Variants in GASK1A observed in about 807,000 individuals in gnomAD.
The protein encoded by GASK1A is Golgi-associated kinase 1A.
GASK1A carries 40 observed loss-of-function variants against 41.2 expected under a neutral mutation model. That is an observed-to-expected ratio of 0.97 (90% CI 0.75 to 1.27). The LOEUF (loss-of-function observed/expected upper bound fraction) is 1.27, where lower values mean the gene tolerates loss of function less well. GASK1A is among the 50% of genes most tolerant of loss of function. GASK1A has a pLI of 0.00. For synonymous variants in GASK1A, 316 were observed against 307.1 expected (o/e 1.03, Z -0.30); for missense variants, 678 against 745.1 (o/e 0.91, Z 1.05).
intron 1 of GASK1A, among the ~76,000 whole-genome samples, chr3:43,009,553 CT>C (rs2089453332): frequency 6.6e-6 from 1 of 152,196 alleles, no homozygotes; most frequent in African/African-American, 2.4e-5. Context: ...CTCAGCTCTT[CT>C]ACTTAGATGG....
At chr3:42,987,748 C>T (rs964125386) in intron 1 of GASK1A, among the ~76,000 whole-genome samples, 4 of 151,984 alleles carry the variant, frequency 2.6e-5, no homozygotes, top group Non-Finnish European at 5.9e-5. Flanking sequence ...CCTGTAATCC[C>T]AGCACTTTGG....
intron 2 of GASK1A, among the ~76,000 whole-genome samples, chr3:43,039,971 T>C (rs2062517): frequency 0.17 from 25,812 of 152,188 alleles, 2,675 homozygotes; most frequent in Non-Finnish European, 0.23. Flanking sequence ...TTAGATTCAA[T>C]TGTAATTAAG....
chr3:42,992,947 G>A (rs956071945), intron 1 of GASK1A, among the ~76,000 whole-genome samples: 2 of 152,206 alleles, frequency 1.3e-5, no homozygotes, highest in Non-Finnish European at 2.9e-5. Flanking sequence ...ACAGCTTGGC[G>A]TTTGCCTTAT....
rs1279641049 is a variant in GASK1A, at chr3:43,016,131, G to T, written c.4-16136G>T. 1.3e-5 allele frequency among the ~76,000 whole-genome samples: 2 copies of T among 151,750 alleles called. 1 individual carries two copies. The highest frequency in any genetic ancestry group is 2.9e-5 in the Non-Finnish European group (2 of 67,930). ...GGGGCTGTGTGAAGCCCCGGGAAGG[G>T]GCATAGGAAGTCACAGGAAGTGGCT... On this transcript the variant is annotated intron_variant, in intron 1 of 4. Coordinates refer to ENST00000430121, the MANE Select transcript of GASK1A (RefSeq NM_001129908.3).
At chr3:42,996,767 G>T (rs2089372473) in intron 1 of GASK1A, among the ~76,000 whole-genome samples, 1 of 152,356 alleles carries the variant, frequency 6.6e-6, no homozygotes, top group South Asian at 2.1e-4. Flanking sequence ...GAAAGGTCAT[G>T]GTCCTGTGGT....
chr3:42,996,232 T>G (rs1468757691), intron 1 of GASK1A, among the ~76,000 whole-genome samples: 1 of 152,244 alleles, frequency 6.6e-6, no homozygotes, highest in Non-Finnish European at 1.5e-5. Context: ...GCTAGGAAAT[T>G]ACCATCATGG....
chr3:43,036,406 T>G (rs2089604562), intron 2 of GASK1A, among the ~76,000 whole-genome samples: 1 of 152,182 alleles, frequency 6.6e-6, no homozygotes, highest in South Asian at 2.1e-4. Flanking sequence ...CACTCTTGAG[T>G]AGGTCTGCTT....
intron 2 of GASK1A, among the ~76,000 whole-genome samples, chr3:43,044,833 A>G (rs1310308747): frequency 1.3e-5 from 2 of 152,186 alleles, no homozygotes; most frequent in Non-Finnish European, 2.9e-5. Context: ...TGTTGGGATG[A>G]TCACACCCAA....
chr3:43,024,923 G>C (rs1228879692), intron 1 of GASK1A, among the ~76,000 whole-genome samples: 1 of 152,192 alleles, frequency 6.6e-6, no homozygotes, highest in Non-Finnish European at 1.5e-5. Context: ...TCATTGAGGA[G>C]TCTCAGGGGA....
chr3:42,981,862 G>A (rs538054362), intron 1 of GASK1A, among the ~76,000 whole-genome samples: 2 of 152,188 alleles, frequency 1.3e-5, no homozygotes, highest in South Asian at 4.2e-4. Context: ...ATCTCTTTGA[G>A]GGTCCTTCCA....
intron 2 of GASK1A, among the ~76,000 whole-genome samples, chr3:43,041,204 T>C (rs2089635521): frequency 6.6e-6 from 1 of 151,404 alleles, no homozygotes; most frequent in Admixed American, 6.6e-5. Flanking sequence ...CGTGTCTTTA[T>C]AGCAGCATGA....
chr3:43,005,709 G>A (rs777820072), intron 1 of GASK1A, among the ~76,000 whole-genome samples: 3 of 152,194 alleles, frequency 2.0e-5, no homozygotes, highest in Non-Finnish European at 2.9e-5. Flanking sequence ...ATCGTAGGCT[G>A]GGGTTGCTAA....
intron 3 of GASK1A, among the ~76,000 whole-genome samples, chr3:43,055,012 C>T (rs1378893432): frequency 2.6e-5 from 4 of 152,172 alleles, no homozygotes; most frequent in Non-Finnish European, 5.9e-5. Flanking sequence ...TGATTCCCAC[C>T]CTTGCTCCTC....
chr3:42,988,336 G>A (rs1464828761), intron 1 of GASK1A, among the ~76,000 whole-genome samples: 3 of 152,206 alleles, frequency 2.0e-5, no homozygotes, highest in Non-Finnish European at 4.4e-5. Flanking sequence ...CTTGCAATGA[G>A]CAAACAGCCT....
intron 1 of GASK1A, among the ~76,000 whole-genome samples, chr3:42,992,690 G>A (rs1460435280): frequency 6.6e-6 from 1 of 152,186 alleles, no homozygotes; most frequent in Non-Finnish European, 1.5e-5. Context: ...AACAGAGGAA[G>A]GGGAAAGGGA....
intron 1 of GASK1A, among the ~76,000 whole-genome samples, chr3:42,980,372 G>A (rs1318381911): frequency 1.3e-5 from 2 of 152,176 alleles, no homozygotes. Flanking sequence ...GGAAAGGGGC[G>A]TCCCTCAGGC....
intron 1 of GASK1A, among the ~76,000 whole-genome samples, chr3:43,005,648 A>T (rs1236399116): frequency 6.6e-6 from 1 of 152,214 alleles, no homozygotes; most frequent in Non-Finnish European, 1.5e-5. Flanking sequence ...AGACGCTGAA[A>T]GTGCTTCATT....
chr3:43,045,417 G>T (rs910985501), intron 2 of GASK1A, among the ~76,000 whole-genome samples: 1 of 152,100 alleles, frequency 6.6e-6, no homozygotes, highest in African/African-American at 2.4e-5. Flanking sequence ...TCCTGCCTCA[G>T]CTCTTCTACC....
intron 1 of GASK1A, among the ~76,000 whole-genome samples, chr3:43,020,158 A>G (rs1328844819): frequency 1.3e-5 from 2 of 152,070 alleles, no homozygotes; most frequent in Non-Finnish European, 2.9e-5. Context: ...ACTGTCAGGC[A>G]AGATCCTGAT....
Sources: gnomAD v4.1 joint callset for allele counts (sites outside exome capture counted in the v4.1 genomes callset) on GRCh38, gnomAD v4.1.1 for gene constraint, MANE v1.5 for transcripts, NCBI Gene and HGNC (gene_info 2026-07-23, HGNC 2026-07-21) for gene names.